ANKS1A: variants seen among roughly 807,000 people sequenced by gnomAD.
The protein encoded by ANKS1A is ankyrin repeat and SAM domain-containing protein 1A.
ANKS1A carries 55 observed loss-of-function variants against 120.3 expected under a neutral mutation model. The ratio of observed to expected loss-of-function variants is 0.46; its 90% CI spans 0.37 to 0.57. ANKS1A has a LOEUF of 0.57. Among genes scored for constraint, ANKS1A ranks in the 20% least tolerant of loss-of-function variants. The pLI, the probability that ANKS1A is intolerant of heterozygous loss-of-function variation, is 0.00. For missense variants in ANKS1A, 1,123 were observed against 1,480.3 expected (o/e 0.76, Z 3.96); for synonymous variants, 590 against 604.7 (o/e 0.98, Z 0.36).
intron 11 of ANKS1A, among the ~76,000 whole-genome samples, chr6:35,035,328 G>A (rs1476138707): frequency 6.6e-6 from 1 of 151,990 alleles, no homozygotes; most frequent in Non-Finnish European, 1.5e-5. Flanking sequence ...AGGGGCTGGG[G>A]GCTCATCTGA....
chr6:34,914,821 G>C (rs1189063776), intron 1 of ANKS1A, among the ~76,000 whole-genome samples: 1 of 152,132 alleles, frequency 6.6e-6, no homozygotes, highest in African/African-American at 2.4e-5. Flanking sequence ...TTAGACACAG[G>C]CCTGTTCAAA....
chr6:34,899,323 G>C (rs563278483), intron 1 of ANKS1A, among the ~76,000 whole-genome samples: 27 of 152,012 alleles, frequency 1.8e-4, no homozygotes, highest in Non-Finnish European at 2.8e-4. Context: ...CAAATGCATG[G>C]AGCAATATGC....
intron 13 of ANKS1A, among the ~76,000 whole-genome samples, chr6:35,068,011 G>C (rs899014621): frequency 1.3e-5 from 2 of 150,086 alleles, no homozygotes; most frequent in Non-Finnish European, 2.9e-5. Context: ...CTCCTGCCTC[G>C]GCCTCCTGTG....
In ANKS1A at chr6:34,934,026, T is replaced by C. The variant is rs113517464; in HGVS notation, c.198-33213T>C. ...AGAAACAGCCAGATAACTGTGTACG[T>C]TGGAGAATTAAAAGCTTTGTTTTTT... On this transcript the variant is annotated intron_variant, in intron 1 of 23. Transcript: ENST00000360359. 2.3e-3 allele frequency among the ~76,000 whole-genome samples: 343 copies of C among 152,314 alleles called. 1 individual carries two copies. The highest frequency in any genetic ancestry group is 7.6e-3 in the African/African-American group (316 of 41,560).
intron 11 of ANKS1A, among the ~76,000 whole-genome samples, chr6:35,040,177 C>T (rs1200640443): frequency 6.6e-6 from 1 of 152,218 alleles, no homozygotes; most frequent in African/African-American, 2.4e-5. Context: ...TCCTCAGTTG[C>T]AAAATCAGTG....
At chr6:35,000,410 T>C (rs987538060) in intron 10 of ANKS1A, among the ~76,000 whole-genome samples, 4 of 151,916 alleles carry the variant, frequency 2.6e-5, no homozygotes, top group African/African-American at 9.7e-5. Flanking sequence ...TAGTAACTTC[T>C]AATCTTGTGG....
At chr6:34,950,758 G>C (rs1318689804) in intron 1 of ANKS1A, among the ~76,000 whole-genome samples, 1 of 152,038 alleles carries the variant, frequency 6.6e-6, no homozygotes, top group Admixed American at 6.5e-5. Flanking sequence ...TGGAGGATGA[G>C]GAACTTGATC....
At chr6:34,942,513 T>A (rs1156254315) in intron 1 of ANKS1A, among the ~76,000 whole-genome samples, 1 of 152,214 alleles carries the variant, frequency 6.6e-6, no homozygotes, top group African/African-American at 2.4e-5. Context: ...ACTAACAGTT[T>A]CTTTGAGCTC....
At chr6:35,047,235 G>A (rs1238387282) in intron 11 of ANKS1A, among the ~76,000 whole-genome samples, 1 of 152,218 alleles carries the variant, frequency 6.6e-6, no homozygotes, top group Admixed American at 6.5e-5. Flanking sequence ...TTGGTACTCA[G>A]AATCCTACAT....
At chr6:34,991,663 TATATATACAC>T (rs1433290965) in intron 9 of ANKS1A, among the ~76,000 whole-genome samples, 28 of 86,484 alleles carry the variant, frequency 3.2e-4, no homozygotes, top group Middle Eastern at 5.1e-3. Context: ...TATATACACA[TATATATACAC>T]ATATATATAC....
intron 10 of ANKS1A, among the ~76,000 whole-genome samples, chr6:35,017,047 G>A (rs1774053523): frequency 6.6e-6 from 1 of 150,948 alleles, no homozygotes; most frequent in Non-Finnish European, 1.5e-5. Context: ...TCCAGGAGTG[G>A]GTCTCCCTGC....
intron 13 of ANKS1A, among the ~76,000 whole-genome samples, chr6:35,067,960 G>A (rs913611227): frequency 1.3e-5 from 2 of 148,866 alleles, no homozygotes; most frequent in Non-Finnish European, 3.0e-5. Context: ...CGAAATCTCG[G>A]CTCACTGCAA....
In ANKS1A at chr6:34,970,006, C is replaced by T; in HGVS notation, c.279-4C>T. On this transcript the variant is annotated splice_polypyrimidine_tract_variant and splice_region_variant and intron_variant, in intron 2 of 23. Coordinates refer to ENST00000360359, the MANE Select transcript of ANKS1A (RefSeq NM_015245.3). ...CCAACTCATGATTGATTTTTGCCTT[C>T]TAGGGATGTGGTCGAGGTTCTTCTG... The T allele has an allele frequency of 6.2e-7, 1 of 1,611,984 alleles. No homozygotes were observed. The highest frequency in any genetic ancestry group is 8.5e-7 in the Non-Finnish European group (1 of 1,179,098).
intron 1 of ANKS1A, among the ~76,000 whole-genome samples, chr6:34,962,069 C>A (rs186791467): frequency 5.9e-5 from 9 of 152,296 alleles, no homozygotes; most frequent in Non-Finnish European, 1.3e-4. Flanking sequence ...GACAATGGTA[C>A]CTCACAGATT....
intron 1 of ANKS1A, among the ~76,000 whole-genome samples, chr6:34,926,803 G>A (rs1581702798): frequency 1.3e-5 from 2 of 152,292 alleles, no homozygotes; most frequent in Middle Eastern, 6.8e-3. Context: ...CCTGTCATCA[G>A]TTACAGAATA....
chr6:35,038,609 G>A (rs946469300), intron 11 of ANKS1A, among the ~76,000 whole-genome samples: 3 of 152,026 alleles, frequency 2.0e-5, no homozygotes, highest in South Asian at 2.1e-4. Flanking sequence ...AGCCTCCCCA[G>A]TAGGTAGGAC....
intron 3 of ANKS1A, among the ~76,000 whole-genome samples, chr6:34,972,110 A>G (rs1771213460): frequency 6.6e-6 from 1 of 152,200 alleles, no homozygotes; most frequent in Admixed American, 6.5e-5. Flanking sequence ...AGAAATTTTC[A>G]GCAACCATTT....
rs1234218158 is a variant in ANKS1A at position 35,084,793 on chromosome 6, C to G, written c.3132+535C>G. 1.3e-5 allele frequency among the ~76,000 whole-genome samples: 2 copies of G among 152,202 alleles called. No homozygotes were observed. Among genetic ancestry groups the G allele is most frequent in the African/African-American group, 4.8e-5 (2 of 41,462 alleles). ...TTGGCAGATTTTCTTCCCTCAAATT[C>G]CTGCTGAGGCTCGGCTCTGGATGCC... On this transcript the variant is annotated intron_variant, in intron 21 of 23. Coordinates refer to ENST00000360359, the MANE Select transcript of ANKS1A (RefSeq NM_015245.3). The surrounding 1 kb of genome is among the most constrained non-coding windows in gnomAD (Gnocchi z 4.8).
At chr6:34,935,266 T>C (rs138583564) in intron 1 of ANKS1A, among the ~76,000 whole-genome samples, 31 of 152,336 alleles carry the variant, frequency 2.0e-4, no homozygotes, top group African/African-American at 6.5e-4. Context: ...TTTGAAATTT[T>C]TGTAGAGACG....
Sources: allele counts gnomAD v4.1 joint callset (sites outside exome capture counted in the v4.1 genomes callset), GRCh38; gene constraint gnomAD v4.1.1; non-coding constraint Gnocchi (gnomAD v3.1); transcripts MANE v1.5; gene names NCBI Gene and HGNC (gene_info 2026-07-23, HGNC 2026-07-21).